The following RBFOX1 variants were observed in gnomAD, a reference collection of about 807,000 sequenced individuals.
RBFOX1 encodes the protein RNA binding fox-1 homolog 1.
RBFOX1 carries 8 observed loss-of-function variants against 57.7 expected under a neutral mutation model. The observed-to-expected ratio is 0.14, with a 90% CI of 0.08 to 0.25. RBFOX1 has a LOEUF of 0.25. Among genes scored for constraint, RBFOX1 ranks in the 10% least tolerant of loss-of-function variants. The pLI is 1.00. For missense variants in RBFOX1, 611 were observed against 548.5 expected, an observed-to-expected ratio of 1.11 and a Z score of -1.14; for synonymous variants, 326 against 222.4, an observed-to-expected ratio of 1.47 and a Z score of -4.15.
At chr16:6,220,441 T>G (rs2097365034) in intron 1 of RBFOX1, among the ~76,000 whole-genome samples, 1 of 152,226 alleles carries the variant, frequency 6.6e-6, no homozygotes, top group Admixed American at 6.5e-5. Context: ...GGAGGAATTA[T>G]ACTTGGTAAT....
chr16:7,289,646 T>C (rs1049244201), intron 4 of RBFOX1, among the ~76,000 whole-genome samples: 1 of 152,172 alleles, frequency 6.6e-6, no homozygotes, highest in African/African-American at 2.4e-5. Flanking sequence ...ATGATCATCA[T>C]CAGCATCACC....
In RBFOX1 at chr16:6,849,353, A is replaced by G. The variant is rs13332733; in HGVS notation, c.-16+194703A>G. ...AGATTATGACAAAAGTAGAAAAAAT[A>G]TAGTCTTATACTTTAGATAGAACTG... On this transcript the variant is annotated intron_variant, in intron 3 of 15. Coordinates refer to ENST00000550418, the MANE Select transcript of RBFOX1 (RefSeq NM_018723.4). Among the ~76,000 whole-genome samples the G allele has an allele frequency of 2.0e-3, 299 of 152,318 alleles. 1 individual carries two copies. Among genetic ancestry groups the G allele is most frequent in the African/African-American group, 6.6e-3 (273 of 41,582 alleles).
chr16:6,366,839 T>C (rs1334947167), intron 2 of RBFOX1, among the ~76,000 whole-genome samples: 2 of 152,192 alleles, frequency 1.3e-5, no homozygotes, highest in Non-Finnish European at 2.9e-5. Context: ...TCTGCTTTTG[T>C]GCTTTTCTGT....
intron 1 of RBFOX1, among the ~76,000 whole-genome samples, chr16:6,125,454 C>T (rs1292506674): frequency 3.9e-5 from 6 of 152,104 alleles, no homozygotes; most frequent in South Asian, 2.1e-4. Context: ...CTAGGCCTTC[C>T]AAGAGTCAGC....
intron 1 of RBFOX1, among the ~76,000 whole-genome samples, chr16:5,327,586 C>T (rs1596531920): frequency 6.6e-6 from 1 of 152,148 alleles, no homozygotes; most frequent in East Asian, 1.9e-4. Context: ...CCAATCTGCA[C>T]AATAGGTTTC....
chr16:5,993,340 C>CGTGTGTGT (rs58189800), intron 4 of RBFOX1, among the ~76,000 whole-genome samples: 22 of 132,866 alleles, frequency 1.7e-4, no homozygotes, highest in African/African-American at 4.2e-4. Flanking sequence ...TAATGCTGTA[C>CGTGTGTGT]GTGTGTGTGT....
At chr16:7,021,675 C>T (rs1190609252) in intron 3 of RBFOX1, among the ~76,000 whole-genome samples, 2 of 149,074 alleles carry the variant, frequency 1.3e-5, no homozygotes, top group Non-Finnish European at 3.0e-5. Flanking sequence ...AGCCTATTTG[C>T]ACAGACTGGA....
At chr16:7,330,605 C>G (rs1404955913) in intron 4 of RBFOX1, among the ~76,000 whole-genome samples, 2 of 151,630 alleles carry the variant, frequency 1.3e-5, no homozygotes, top group Non-Finnish European at 2.9e-5. Context: ...CTACCTCTTC[C>G]TCAAGTTTGC....
intron 4 of RBFOX1, among the ~76,000 whole-genome samples, chr16:7,332,131 G>A (rs1443453379): frequency 1.3e-5 from 2 of 152,224 alleles, no homozygotes; most frequent in African/African-American, 2.4e-5. Flanking sequence ...TGAAAACAGT[G>A]TTGTGGTTAG....
At chr16:7,586,674 G>A (rs1031286854) in intron 6 of RBFOX1, among the ~76,000 whole-genome samples, 2 of 152,176 alleles carry the variant, frequency 1.3e-5, no homozygotes, top group Admixed American at 1.3e-4. Flanking sequence ...ACAATGTGGA[G>A]AATTATCTTG....
At chr16:6,770,863 T>C (rs918823428) in intron 3 of RBFOX1, among the ~76,000 whole-genome samples, 4 of 152,146 alleles carry the variant, frequency 2.6e-5, no homozygotes, top group African/African-American at 7.2e-5. Context: ...AAGTCTCCCA[T>C]GGATAATGCA....
chr16:5,341,101 G>A (rs975943330), intron 1 of RBFOX1, among the ~76,000 whole-genome samples: 22 of 152,178 alleles, frequency 1.4e-4, no homozygotes, highest in Admixed American at 6.5e-4. Flanking sequence ...AACAAGCTTG[G>A]TGAATTTGCA....
At chr16:5,391,905 A>G (rs1034273181) in intron 1 of RBFOX1, among the ~76,000 whole-genome samples, 6 of 151,536 alleles carry the variant, frequency 4.0e-5, no homozygotes, top group Admixed American at 1.3e-4. Context: ...ACACACACAC[A>G]CACGCACACA....
intron 1 of RBFOX1, among the ~76,000 whole-genome samples, chr16:5,342,573 C>T (rs749292411): frequency 3.3e-5 from 5 of 152,120 alleles, no homozygotes; most frequent in Non-Finnish European, 5.9e-5. Context: ...ACTTTTAGCT[C>T]GGGCCATGAA....
chr16:7,414,656 C>A (rs1243011522), intron 4 of RBFOX1, among the ~76,000 whole-genome samples: 1 of 152,128 alleles, frequency 6.6e-6, no homozygotes, highest in South Asian at 2.1e-4. Context: ...CTCACTCTGT[C>A]ACCCAGGCTG....
At chr16:7,476,843 A>G (rs118187050) in intron 4 of RBFOX1, among the ~76,000 whole-genome samples, 19 of 152,354 alleles carry the variant, frequency 1.2e-4, no homozygotes, top group Non-Finnish European at 2.1e-4. Context: ...TGAATGGGCT[A>G]ACATTGCTTT....
At chr16:6,435,339 C>T (rs1056200850) in intron 2 of RBFOX1, among the ~76,000 whole-genome samples, 6 of 146,660 alleles carry the variant, frequency 4.1e-5, no homozygotes, top group Non-Finnish European at 6.0e-5. Context: ...CTCATTCTGT[C>T]GCCCAGGCTG....
intron 4 of RBFOX1, among the ~76,000 whole-genome samples, chr16:7,494,310 C>T (rs899739221): frequency 4.6e-5 from 7 of 152,112 alleles, no homozygotes; most frequent in African/African-American, 9.7e-5. Context: ...ATTTTAAAGG[C>T]GCCCTTTGGG....
At chr16:6,716,852 C>T (rs2064931570) in intron 3 of RBFOX1, among the ~76,000 whole-genome samples, 1 of 151,960 alleles carries the variant, frequency 6.6e-6, no homozygotes, top group African/African-American at 2.4e-5. Flanking sequence ...GTGTAATAAA[C>T]TGAATGTTTG....
Sources: allele counts gnomAD v4.1 joint callset (sites outside exome capture counted in the v4.1 genomes callset), GRCh38; gene constraint gnomAD v4.1.1; transcripts MANE v1.5; gene names NCBI Gene and HGNC (gene_info 2026-07-23, HGNC 2026-07-21).